Variants in PDE4D observed in about 807,000 individuals in gnomAD.
PDE4D encodes the protein phosphodiesterase 4D, also known as 3',5'-cyclic-AMP phosphodiesterase 4D.
A neutral mutation model predicts 87.4 loss-of-function variants in PDE4D; 24 were observed. The ratio of observed to expected loss-of-function variants is 0.27; its 90% confidence interval spans 0.20 to 0.39. PDE4D has a LOEUF of 0.39. PDE4D is among the 10% of genes least tolerant of loss of function. PDE4D has a pLI of 1.00. For synonymous variants in PDE4D, 384 were observed against 383.2 expected (o/e 1.00, Z -0.02); for missense variants, 714 against 1,041.0 (o/e 0.69, Z 4.32).
chr5:59,830,780 G>A (rs929258983), intron 1 of PDE4D, among the ~76,000 whole-genome samples: 10 of 152,014 alleles, frequency 6.6e-5, no homozygotes, highest in Admixed American at 1.3e-4. Context: ...ATTGCAAAAC[G>A]GAGAGCCATG....
At position 60,041,649 on chromosome 5, in the gene PDE4D, G is replaced by A. The variant is rs115434693; in HGVS notation, c.43-52932C>T. Among the ~76,000 whole-genome samples, 412 of 152,260 alleles carry A rather than the reference G, an allele frequency of 2.7e-3. 2 individuals carry two copies. Among genetic ancestry groups the A allele is most frequent in the South Asian group, 7.7e-3 (37 of 4,818 alleles). Reference sequence around the variant, plus strand: ...TTAGACAGTGGGTACAGACCACGGCGTGTGAGCTGAAGCAGGGTTGGGCAT... The same window carrying A: ...TTAGACAGTGGGTACAGACCACGGCATGTGAGCTGAAGCAGGGTTGGGCAT... On this transcript the variant is annotated intron_variant, in intron 2 of 16. Coordinates refer to the PDE4D transcript ENST00000502484.
intron 1 of PDE4D, among the ~76,000 whole-genome samples, chr5:59,639,286 T>C (rs945402227): frequency 2.6e-5 from 4 of 152,202 alleles, no homozygotes; most frequent in Non-Finnish European, 5.9e-5. Context: ...ATATTTTGGC[T>C]AATTTATCTG....
chr5:59,225,754 T>C (rs1449674977), intron 1 of PDE4D, among the ~76,000 whole-genome samples: 1 of 135,020 alleles, frequency 7.4e-6, no homozygotes, highest in African/African-American at 3.2e-5. Flanking sequence ...TCTGATATGG[T>C]ATTAATATCT....
At chr5:60,235,215 C>T (rs1041717958) in intron 1 of PDE4D, among the ~76,000 whole-genome samples, 5 of 151,824 alleles carry the variant, frequency 3.3e-5, no homozygotes, top group African/African-American at 9.7e-5. Context: ...GCTGACTAAA[C>T]CTCTAGGACT....
Position 58,971,062 on chromosome 5 carries a change from T to G in PDE4D, c.*3602A>C, listed in dbSNP as rs1419693419. ...AAGGGTCTCAGAATCTTTCAGAGGT[T>G]GTCTGTGGTTTTGTAAAATCCACCT... On this transcript the variant is annotated 3_prime_UTR_variant, in exon 15 of 15. Transcript: ENST00000340635. The G allele has an allele frequency of 6.6e-6, 1 of 152,148 alleles. No individual in the cohort carries two copies. The highest frequency in any genetic ancestry group is 1.5e-5 in the Non-Finnish European group (1 of 68,026). The allele number at this position is 152,148 out of a possible 1,614,324, so 9.4% of individuals were successfully genotyped here.
intron 1 of PDE4D, among the ~76,000 whole-genome samples, chr5:60,411,603 T>G (rs1742051457): frequency 6.6e-6 from 1 of 152,180 alleles, no homozygotes; most frequent in South Asian, 2.1e-4. Context: ...AAGCAACGAA[T>G]TTCACATTTT....
chr5:59,478,073 G>A (rs1848060), intron 1 of PDE4D, among the ~76,000 whole-genome samples: 35,912 of 151,700 alleles, frequency 0.24, 4,877 homozygotes, highest in African/African-American at 0.36. Flanking sequence ...GTTTGGGTGG[G>A]AAAACTACTT....
At chr5:60,321,332 A>G (rs1756247716) in intron 1 of PDE4D, among the ~76,000 whole-genome samples, 1 of 152,212 alleles carries the variant, frequency 6.6e-6, no homozygotes, top group Non-Finnish European at 1.5e-5. Flanking sequence ...TGCTAGGATA[A>G]CTAACTAGCC....
At chr5:60,378,399 T>C (rs1264809359) in intron 1 of PDE4D, among the ~76,000 whole-genome samples, 2 of 152,196 alleles carry the variant, frequency 1.3e-5, no homozygotes, top group South Asian at 4.1e-4. Flanking sequence ...TCGTTCAATA[T>C]CCTCTAATCA....
chr5:58,978,111 T>A (rs1046545002), intron 11 of PDE4D, among the ~76,000 whole-genome samples: 1 of 152,172 alleles, frequency 6.6e-6, no homozygotes, highest in Non-Finnish European at 1.5e-5. Context: ...AGCTACAAGA[T>A]AATCATTAAA....
intron 2 of PDE4D, among the ~76,000 whole-genome samples, chr5:60,048,723 G>T (rs1259366538): frequency 6.6e-6 from 1 of 151,974 alleles, no homozygotes; most frequent in Admixed American, 6.6e-5. Context: ...TAGAGTTTCT[G>T]CTGAGAGATC....
At chr5:60,095,227 T>C (rs1775556037) in intron 2 of PDE4D, among the ~76,000 whole-genome samples, 1 of 152,072 alleles carries the variant, frequency 6.6e-6, no homozygotes, top group Non-Finnish European at 1.5e-5. Flanking sequence ...CAGGCCCCAG[T>C]GTGTGATGTT....
At chr5:59,453,073 C>T (rs1452831459) in intron 1 of PDE4D, among the ~76,000 whole-genome samples, 1 of 151,216 alleles carries the variant, frequency 6.6e-6, no homozygotes, top group African/African-American at 2.4e-5. Context: ...TTTGATAATT[C>T]TTGCAATATT....
chr5:59,439,357 CAAAAAAA>C (rs3061710), intron 1 of PDE4D, among the ~76,000 whole-genome samples: 1 of 72,578 alleles, frequency 1.4e-5, no homozygotes, highest in Non-Finnish European at 3.1e-5. Flanking sequence ...AAGACTCTGT[CAAAAAAA>C]AAAAAAAAAA....
intron 1 of PDE4D, among the ~76,000 whole-genome samples, chr5:59,279,117 T>C (rs1168775450): frequency 6.6e-6 from 1 of 152,262 alleles, no homozygotes; most frequent in East Asian, 1.9e-4. Context: ...CAGATTACAA[T>C]AGATATTCTA....
chr5:59,423,546 T>A (rs190493224), intron 1 of PDE4D, among the ~76,000 whole-genome samples: 1 of 152,192 alleles, frequency 6.6e-6, no homozygotes, highest in Admixed American at 6.5e-5. Context: ...ATTATGATAG[T>A]GCAGTAACAG....
At chr5:60,257,114 G>A (rs1244572534) in intron 1 of PDE4D, among the ~76,000 whole-genome samples, 1 of 150,246 alleles carries the variant, frequency 6.7e-6, no homozygotes, top group African/African-American at 2.4e-5. Context: ...AATTCACACA[G>A]AAAAGATGGC....
At chr5:59,222,606 A>T (rs534068796) in intron 1 of PDE4D, among the ~76,000 whole-genome samples, 5 of 152,198 alleles carry the variant, frequency 3.3e-5, no homozygotes, top group Non-Finnish European at 7.3e-5. Context: ...GGGAGCCATC[A>T]CTGAAGCCAG....
At chr5:60,146,653 C>G (rs558292764) in intron 2 of PDE4D, among the ~76,000 whole-genome samples, 1 of 152,184 alleles carries the variant, frequency 6.6e-6, no homozygotes, top group South Asian at 2.1e-4. Context: ...AAGCTTACAT[C>G]TGCACCACAA....
Sources: allele counts gnomAD v4.1 joint callset (sites outside exome capture counted in the v4.1 genomes callset), GRCh38; gene constraint gnomAD v4.1.1; transcripts MANE v1.5; gene names NCBI Gene and HGNC (gene_info 2026-07-23, HGNC 2026-07-21).